Variants in ACTR3C observed in about 807,000 individuals in gnomAD.
ACTR3C encodes actin-related protein 3C.
Under a neutral mutation model 26.3 loss-of-function variants are expected in ACTR3C, and 18 were observed. The ratio of observed to expected loss-of-function variants is 0.68; its 90% CI spans 0.47 to 1.01. The LOEUF is 1.01. Ranked by LOEUF, ACTR3C falls within the 50% of genes least tolerant of loss-of-function variation. The pLI, the probability that ACTR3C is intolerant of heterozygous loss-of-function variation, is 0.00. For synonymous variants in ACTR3C, 55 were observed against 94.5 expected (o/e 0.58, Z 2.42); for missense variants, 184 against 250.7 (o/e 0.73, Z 1.80).
the ACTR3C span, among the ~76,000 whole-genome samples, chr7:149,983,722 T>A: frequency 6.6e-6 from 1 of 151,816 alleles, no homozygotes; most frequent in Non-Finnish European, 1.5e-5. Context: ...GTGGAAACCA[T>A]CTAAATGCTC....
chr7:149,946,602 G>A, the ACTR3C span, among the ~76,000 whole-genome samples: 1 of 152,158 alleles, frequency 6.6e-6, no homozygotes, highest in Non-Finnish European at 1.5e-5. Context: ...GGGTGCCCAA[G>A]TGCTGAGGGC....
chr7:149,897,374 T>C, the ACTR3C span, among the ~76,000 whole-genome samples: 1 of 152,258 alleles, frequency 6.6e-6, no homozygotes, highest in Admixed American at 6.5e-5. Flanking sequence ...TTACCTTTAA[T>C]GCCTCATTTC....
chr7:150,297,406 C>T (rs1436791782), intron 1 of ACTR3C, among the ~76,000 whole-genome samples: 1 of 150,934 alleles, frequency 6.6e-6, no homozygotes, highest in East Asian at 1.9e-4. Context: ...TATCCTTAAA[C>T]ATACAAGAAC....
At chr7:150,103,914 A>G in the ACTR3C span, among the ~76,000 whole-genome samples, 1 of 151,986 alleles carries the variant, frequency 6.6e-6, no homozygotes, top group African/African-American at 2.4e-5. Flanking sequence ...TTGACATTGA[A>G]TTACCTTTTG....
chr7:149,994,233 C>T, the ACTR3C span, among the ~76,000 whole-genome samples: 12 of 152,230 alleles, frequency 7.9e-5, no homozygotes, highest in Middle Eastern at 0.014. Context: ...CAAGGAAAAA[C>T]GCACATGGAA....
intron 6 of ACTR3C, among the ~76,000 whole-genome samples, chr7:150,283,548 T>C (rs952685174): frequency 6.2e-4 from 94 of 150,966 alleles, no homozygotes; most frequent in Middle Eastern, 3.4e-3. Flanking sequence ...GATATTTTAT[T>C]TACTTTAAGA....
chr7:150,275,754 C>A (rs116764728), intron 6 of ACTR3C, among the ~76,000 whole-genome samples: 1,955 of 143,018 alleles, frequency 0.014, no homozygotes, highest in South Asian at 0.033. Flanking sequence ...AAAGGAGTAA[C>A]TTCTCCTTTG....
the ACTR3C span, among the ~76,000 whole-genome samples, chr7:150,198,946 C>A: frequency 7.3e-6 from 1 of 136,814 alleles, no homozygotes; most frequent in East Asian, 2.3e-4. Context: ...GGTCAGCCCC[C>A]TGCCCGGCCA....
At chr7:150,061,516 G>T in the ACTR3C span, among the ~76,000 whole-genome samples, 2 of 96,978 alleles carry the variant, frequency 2.1e-5, no homozygotes, top group African/African-American at 7.5e-5. Context: ...TCCCATGAAG[G>T]GTTTTACTGA....
the ACTR3C span, among the ~76,000 whole-genome samples, chr7:150,110,251 A>C: frequency 6.6e-6 from 1 of 151,692 alleles, no homozygotes; most frequent in Admixed American, 6.6e-5. Flanking sequence ...TTCCCTGGGC[A>C]AAGCAAAAAC....
the ACTR3C span, among the ~76,000 whole-genome samples, chr7:150,032,576 A>G: frequency 6.6e-6 from 1 of 152,132 alleles, no homozygotes; most frequent in African/African-American, 2.4e-5. Context: ...GTAAAACTTC[A>G]TGAGCTTAGA....
chr7:150,171,455 A>T, the ACTR3C span, among the ~76,000 whole-genome samples: 1 of 151,002 alleles, frequency 6.6e-6, no homozygotes, highest in African/African-American at 2.5e-5. Flanking sequence ...GAATAAAATC[A>T]TACCACGTTA....
chr7:150,184,746 C>T, the ACTR3C span, among the ~76,000 whole-genome samples: 345 of 149,672 alleles, frequency 2.3e-3, 2 homozygotes, highest in Admixed American at 4.7e-3. Context: ...AGGGCCCACA[C>T]GCTAAGGGGG....
the ACTR3C span, among the ~76,000 whole-genome samples, chr7:149,910,501 C>A: frequency 6.6e-6 from 1 of 152,130 alleles, no homozygotes; most frequent in African/African-American, 2.4e-5. Context: ...TCAGAACCAT[C>A]TGCTGGAAAT....
chr7:150,204,546 G>A, the ACTR3C span, among the ~76,000 whole-genome samples: 2 of 151,864 alleles, frequency 1.3e-5, no homozygotes, highest in Non-Finnish European at 2.9e-5. Context: ...GAAAAAGTGC[G>A]GCTTTGTGTA....
At chr7:149,918,192 G>T in the ACTR3C span, among the ~76,000 whole-genome samples, 50 of 151,070 alleles carry the variant, frequency 3.3e-4, 1 homozygote, top group South Asian at 9.6e-3. Flanking sequence ...ATGTTACTTC[G>T]TATATATAAG....
the ACTR3C span, among the ~76,000 whole-genome samples, chr7:150,055,455 G>T: frequency 2.7e-5 from 4 of 145,794 alleles, no homozygotes; most frequent in African/African-American, 1.0e-4. Flanking sequence ...GATTTTTCAA[G>T]AATAAAAAAA....
intron 1 of ACTR3C, among the ~76,000 whole-genome samples, chr7:150,317,988 C>T (rs1797108331): frequency 6.6e-6 from 1 of 152,002 alleles, no homozygotes; most frequent in South Asian, 2.1e-4. Context: ...TAGGACAGGG[C>T]TTGTTTTAGT....
chr7:150,093,399 TCA>T, the ACTR3C span, among the ~76,000 whole-genome samples: 1 of 151,270 alleles, frequency 6.6e-6, no homozygotes. Flanking sequence ...ATGTCTATAC[TCA>T]CAGACGTTGA....
Sources: gnomAD v4.1 joint callset for allele counts (sites outside exome capture counted in the v4.1 genomes callset) on GRCh38, gnomAD v4.1.1 for gene constraint, MANE v1.5 for transcripts, NCBI Gene and HGNC (gene_info 2026-07-23, HGNC 2026-07-21) for gene names.